PDE4D: variants seen among roughly 807,000 people sequenced by gnomAD.
PDE4D encodes the protein phosphodiesterase 4D, also known as 3',5'-cyclic-AMP phosphodiesterase 4D.
PDE4D carries 24 observed loss-of-function variants against 87.4 expected under a neutral mutation model. That is an observed-to-expected ratio of 0.27 (90% CI 0.20 to 0.39). PDE4D has a LOEUF of 0.39. Ranked by LOEUF, PDE4D falls within the 10% of genes least tolerant of loss-of-function variation. The pLI, the probability that PDE4D is intolerant of heterozygous loss-of-function variation, is 1.00. For missense variants in PDE4D, 714 were observed against 1,041.0 expected (o/e 0.69, Z 4.32); for synonymous variants, 384 against 383.2 (o/e 1.00, Z -0.02).
chr5:59,682,370 C>T (rs997545209), intron 1 of PDE4D, among the ~76,000 whole-genome samples: 5 of 152,166 alleles, frequency 3.3e-5, no homozygotes, highest in African/African-American at 7.2e-5. Context: ...ACAGCATCTA[C>T]CTCTGGATAT....
chr5:59,487,522 T>C (rs1185174943), intron 1 of PDE4D, among the ~76,000 whole-genome samples: 3 of 152,176 alleles, frequency 2.0e-5, no homozygotes, highest in Non-Finnish European at 4.4e-5. Flanking sequence ...GGTCAGACGA[T>C]GCTATCAGCC....
chr5:59,541,445 T>G (rs1320891194), intron 1 of PDE4D, among the ~76,000 whole-genome samples: 1 of 152,208 alleles, frequency 6.6e-6, no homozygotes, highest in Non-Finnish European at 1.5e-5. Context: ...TGGCAAATGT[T>G]CAAAGTAAAT....
chr5:59,706,590 G>A (rs755403033), intron 1 of PDE4D, among the ~76,000 whole-genome samples: 2 of 152,166 alleles, frequency 1.3e-5, no homozygotes, highest in African/African-American at 2.4e-5. Context: ...CTACCCAAAT[G>A]TGCTCTACAG....
chr5:59,812,181 C>T (rs1033015845), intron 1 of PDE4D, among the ~76,000 whole-genome samples: 1 of 152,172 alleles, frequency 6.6e-6, no homozygotes, highest in African/African-American at 2.4e-5. Context: ...ACTGTGATAA[C>T]TCTAGTCTTG....
In PDE4D at chr5:60,431,134, C is replaced by T. The variant is rs1456791994; in HGVS notation, c.-90+56808G>A. 1.9e-5 allele frequency: 4 copies of T among 211,984 alleles called. No homozygotes were observed. In the South Asian group the frequency reaches 2.3e-4, roughly 12 times the overall value. 13.1% of individuals were successfully genotyped at this position (211,984 alleles called of 1,614,324 possible). ...GTAGGGGCGGCCGGGCAGAGGCACC[C>T]CTCCCTCCCGGATGGGGTGGCTGGC... On this transcript the variant is annotated intron_variant, in intron 1 of 16. Coordinates refer to the PDE4D transcript ENST00000502484.
intron 2 of PDE4D, among the ~76,000 whole-genome samples, chr5:60,155,209 AG>A (rs1781859807): frequency 6.6e-6 from 1 of 152,222 alleles, no homozygotes; most frequent in African/African-American, 2.4e-5. Flanking sequence ...ACACTATCAC[AG>A]GAAGTGATTG....
intron 1 of PDE4D, among the ~76,000 whole-genome samples, chr5:59,710,245 AG>A (rs1034082996): frequency 6.6e-6 from 1 of 152,172 alleles, no homozygotes; most frequent in African/African-American, 2.4e-5. Flanking sequence ...TATACATGAA[AG>A]GCCATCTCGT....
chr5:59,577,068 G>A (rs1554033557), intron 1 of PDE4D, among the ~76,000 whole-genome samples: 1 of 152,042 alleles, frequency 6.6e-6, no homozygotes, highest in Non-Finnish European at 1.5e-5. Context: ...CAATGACAAG[G>A]TTCTTAAGAT....
intron 1 of PDE4D, among the ~76,000 whole-genome samples, chr5:59,629,535 AAAG>A (rs752541082): frequency 6.6e-6 from 1 of 152,152 alleles, no homozygotes; most frequent in Non-Finnish European, 1.5e-5. Flanking sequence ...CAAGCTAAGA[AAAG>A]GACCTGAAAC....
intron 1 of PDE4D, among the ~76,000 whole-genome samples, chr5:60,345,655 A>G (rs895625505): frequency 6.6e-6 from 1 of 151,942 alleles, no homozygotes; most frequent in Non-Finnish European, 1.5e-5. Context: ...AGTTGCATAA[A>G]ACTATAGCAA....
intron 4 of PDE4D, among the ~76,000 whole-genome samples, chr5:59,184,216 C>G (rs1315177701): frequency 6.6e-6 from 1 of 152,184 alleles, no homozygotes; most frequent in Non-Finnish European, 1.5e-5. Context: ...AAAACAGAAC[C>G]TAATGGGTTC....
At chr5:60,153,789 C>A (rs1041024336) in intron 2 of PDE4D, among the ~76,000 whole-genome samples, 2 of 152,034 alleles carry the variant, frequency 1.3e-5, no homozygotes, top group African/African-American at 4.8e-5. Flanking sequence ...GGCATGATTC[C>A]ACTTGATAAG....
At chr5:60,423,714 T>C (rs1022892777) in intron 1 of PDE4D, among the ~76,000 whole-genome samples, 2 of 144,444 alleles carry the variant, frequency 1.4e-5, no homozygotes, top group East Asian at 2.2e-4. Flanking sequence ...CTGAAGGAGA[T>C]AGAGACACAC....
intron 3 of PDE4D, among the ~76,000 whole-genome samples, chr5:59,186,149 A>G (rs1443597880): frequency 6.6e-6 from 1 of 152,206 alleles, no homozygotes; most frequent in Non-Finnish European, 1.5e-5. Context: ...GGTGACAGCT[A>G]GAGTGCTAAG....
At chr5:60,069,915 A>G (rs1298379340) in intron 2 of PDE4D, among the ~76,000 whole-genome samples, 3 of 152,046 alleles carry the variant, frequency 2.0e-5, no homozygotes, top group East Asian at 3.9e-4. Flanking sequence ...GTGTATTACT[A>G]AATTATTTTA....
intron 1 of PDE4D, among the ~76,000 whole-genome samples, chr5:59,244,459 T>A (rs1758344577): frequency 1.3e-5 from 2 of 151,166 alleles, no homozygotes; most frequent in South Asian, 4.2e-4. Flanking sequence ...CACATATATA[T>A]ATATACATAT....
At chr5:59,123,032 T>G (rs1399651851) in intron 5 of PDE4D, among the ~76,000 whole-genome samples, 1 of 142,510 alleles carries the variant, frequency 7.0e-6, no homozygotes, top group Non-Finnish European at 1.5e-5. Context: ...GTTTTTTTTG[T>G]TTTTTTTTTT....
intron 5 of PDE4D, among the ~76,000 whole-genome samples, chr5:59,093,096 A>C (rs1769033731): frequency 6.6e-6 from 1 of 152,238 alleles, no homozygotes; most frequent in Non-Finnish European, 1.5e-5. Flanking sequence ...GATTTTTTGA[A>C]ATCAGAAAAT....
At chr5:59,120,883 A>G (rs1027806596) in intron 5 of PDE4D, among the ~76,000 whole-genome samples, 1 of 152,198 alleles carries the variant, frequency 6.6e-6, no homozygotes, top group African/African-American at 2.4e-5. Context: ...TACAGAGTGG[A>G]CTGATAGATT....
Sources: gnomAD v4.1 joint callset for allele counts (sites outside exome capture counted in the v4.1 genomes callset) on GRCh38, gnomAD v4.1.1 for gene constraint, MANE v1.5 for transcripts, NCBI Gene and HGNC (gene_info 2026-07-23, HGNC 2026-07-21) for gene names.